GLIPR2: variants seen among roughly 807,000 people sequenced by gnomAD.
GLIPR2 encodes the protein Golgi-associated plant pathogenesis-related protein 1.
In GLIPR2, 21 loss-of-function variants were observed where a neutral mutation model predicts 20.4. That is an observed-to-expected ratio of 1.03 (90% CI 0.73 to 1.48). The LOEUF (loss-of-function observed/expected upper bound fraction) is 1.48. Among genes scored for constraint, GLIPR2 ranks in the 40% most tolerant of loss-of-function variants. The pLI, the probability that GLIPR2 is intolerant of heterozygous loss-of-function variation, is 0.00. For missense variants in GLIPR2, 205 were observed against 200.1 expected, an observed-to-expected ratio of 1.02 and a Z score of -0.15; for synonymous variants, 91 against 80.5, an observed-to-expected ratio of 1.13 and a Z score of -0.70.
At chr9:36,136,633 A>T, upstream of GLIPR2, 1 of 542,944 alleles carries the variant, frequency 1.8e-6, no homozygotes, top group Admixed American at 4.6e-5. The surrounding 1 kb of genome is among the most constrained non-coding windows in gnomAD (Gnocchi z 4.3). Context: ...CTCCGCCCTC[A>T]GCTGTCGCTC....
chr9:36,140,866 T>A (rs920786492), intron 1 of GLIPR2, among the ~76,000 whole-genome samples: 2 of 152,116 alleles, frequency 1.3e-5, no homozygotes, highest in Non-Finnish European at 2.9e-5. Context: ...AAGAGAGGAA[T>A]CCTGTCCCGC....
chr9:36,161,503 GAAA>G (rs61215109), intron 4 of GLIPR2, among the ~76,000 whole-genome samples: 1 of 146,134 alleles, frequency 6.8e-6, no homozygotes, highest in Admixed American at 6.8e-5. Context: ...GAGCTTAGAG[GAAA>G]AAAAAAAAAG....
intron 1 of GLIPR2, 57 bp from the exon 2 acceptor site, chr9:36,147,729 A>T: frequency 1.2e-6 from 1 of 832,958 alleles, no homozygotes; most frequent in Non-Finnish European, 2.1e-6. Context: ...ATGCCATTAT[A>T]CTTTTGATGA....
intron 3 of GLIPR2, 65 bp from the exon 4 acceptor site, chr9:36,150,807 A>G (rs973780351): frequency 3.3e-6 from 4 of 1,196,148 alleles, no homozygotes; most frequent in Non-Finnish European, 4.9e-6. Context: ...ATGGGAGAAA[A>G]TGCAGGGAAT....
At chr9:36,153,998 A>G (rs1382671516) in intron 4 of GLIPR2, among the ~76,000 whole-genome samples, 1 of 151,428 alleles carries the variant, frequency 6.6e-6, no homozygotes, top group Non-Finnish European at 1.5e-5. Flanking sequence ...CTTGTGATGA[A>G]GGATGCTGGT....
chr9:36,141,345 C>CTTT (rs113461412), intron 1 of GLIPR2, among the ~76,000 whole-genome samples: 1 of 145,990 alleles, frequency 6.8e-6, no homozygotes, highest in African/African-American at 2.5e-5. Context: ...GAAATTCATT[C>CTTT]TTTTTTTTTT....
chr9:36,162,289 A>G, intron 4 of GLIPR2, 73 bp from the exon 5 acceptor site: 2 of 1,600,786 alleles, frequency 1.2e-6, no homozygotes, highest in Non-Finnish European at 1.7e-6. Context: ...GGGTTCAACA[A>G]TCCCCTGCCA....
rs541779454 is a variant in GLIPR2 at position 36,151,926 on chromosome 9, C to T, written c.304+977C>T. Among the ~76,000 whole-genome samples the T allele has an allele frequency of 5.3e-5, 8 of 152,322 alleles. No individual in the cohort carries two copies. In the South Asian group the frequency reaches 6.2e-4, roughly 12 times the overall value. On this transcript the variant is annotated intron_variant, in intron 4 of 4. Coordinates refer to ENST00000377960, the MANE Select transcript of GLIPR2 (RefSeq NM_022343.4). ...AGAAAAAGGGACTCTCTGCCCACCT[C>T]GTTCCTCCTACCCCACCTGTTCCAC...
Position 36,150,932 on chromosome 9 carries a change from G to A in GLIPR2, c.287G>A (p.Gly96Asp). 6.2e-7 allele frequency: 1 copy of A among 1,613,592 alleles called. No individual in the cohort carries two copies. The highest frequency in any genetic ancestry group is 8.5e-7 in the Non-Finnish European group (1 of 1,179,558). Residue 96 changes from glycine to aspartate, a missense_variant, in exon 4 of 5, where the codon GGC becomes GAC. Coordinates refer to ENST00000377960, the MANE Select transcript of GLIPR2 (RefSeq NM_022343.4). ...EIKNYNFQQP[G>D]FTSGTGHFTA... is the part of the protein sequence containing the mutation. ...AAGAACTATAACTTCCAGCAGCCTG[G>A]CTTCACCTCGGGGACTGGTGAGTGG...
chr9:36,137,493 C>A (rs2132700867), intron 1 of GLIPR2, among the ~76,000 whole-genome samples: 2 of 152,322 alleles, frequency 1.3e-5, no homozygotes, highest in South Asian at 4.1e-4. Context: ...CCCTAGGTTT[C>A]CTTGCCGGGC....
intron 1 of GLIPR2, among the ~76,000 whole-genome samples, chr9:36,138,504 C>T (rs776888354): frequency 2.8e-4 from 42 of 152,092 alleles, no homozygotes; most frequent in Non-Finnish European, 4.3e-4. Context: ...ATTACAGGTG[C>T]GCCCAGCCTA....
At chr9:36,145,002 G>A (rs954684210) in intron 1 of GLIPR2, 4 of 152,328 alleles carry the variant, frequency 2.6e-5, no homozygotes, top group African/African-American at 4.8e-5. Context: ...CCTCAGTCTC[G>A]GGTGAAAGGC....
intron 1 of GLIPR2, among the ~76,000 whole-genome samples, chr9:36,140,272 A>G (rs1014612954): frequency 6.6e-6 from 1 of 152,196 alleles, no homozygotes; most frequent in Non-Finnish European, 1.5e-5. Context: ...AGAGGAAATC[A>G]GAGCAGAGAG....
chr9:36,162,139 CACTCCAGCCTGGGTTACAGAGCGAG>C, intron 4 of GLIPR2, 198 bp from the exon 5 acceptor site: 1 of 1,070,542 alleles, frequency 9.3e-7, no homozygotes, highest in Non-Finnish European at 1.3e-6. Context: ...CATGCCACTG[CACTCCAGCCTGGGTTACAGAGCGAG>C]ACTCCATCTT....
At chr9:36,162,181 A>AT in intron 4 of GLIPR2, 181 bp from the exon 5 acceptor site, 2 of 1,469,032 alleles carry the variant, frequency 1.4e-6, no homozygotes, top group Middle Eastern at 2.4e-4. Flanking sequence ...TCTTGGGGGA[A>AT]AAAAAAAGAA....
Position 36,162,794 on chromosome 9 carries a change from T to A in GLIPR2, c.*272T>A. 2.0e-6 allele frequency: 1 copy of A among 510,482 alleles called. No homozygotes were observed. Among genetic ancestry groups the A allele is most frequent in the East Asian group, 4.1e-5 (1 of 24,110 alleles). 31.6% of individuals were successfully genotyped at this position (510,482 alleles called of 1,614,324 possible). ...GGGGGGATCCGTTTTTTTTTTTTAA[T>A]TTTTTGTTATTTCTAAGCAAACCTC... On this transcript the variant is annotated 3_prime_UTR_variant, in exon 5 of 5. Transcript: ENST00000377960.
chr9:36,144,170 G>C (rs934093971), intron 1 of GLIPR2: 1 of 152,052 alleles, frequency 6.6e-6, no homozygotes, highest in Non-Finnish European at 1.5e-5. Context: ...CCCCCATCTG[G>C]GTCCCATGAG....
intron 1 of GLIPR2, among the ~76,000 whole-genome samples, chr9:36,138,558 C>T (rs1205190272): frequency 1.3e-5 from 2 of 152,142 alleles, no homozygotes; most frequent in East Asian, 1.9e-4. Context: ...ATGTAAGGCA[C>T]GGTTTTCCAG....
At chr9:36,149,240 G>A (rs1195858095) in intron 3 of GLIPR2, among the ~76,000 whole-genome samples, 3 of 152,228 alleles carry the variant, frequency 2.0e-5, no homozygotes, top group African/African-American at 7.2e-5. Flanking sequence ...GGCCCTGACA[G>A]CCCTGATGTG....
Sources: allele counts gnomAD v4.1 joint callset (sites outside exome capture counted in the v4.1 genomes callset), GRCh38; gene constraint gnomAD v4.1.1; non-coding constraint Gnocchi (gnomAD v3.1); transcripts MANE v1.5; gene names NCBI Gene and HGNC (gene_info 2026-07-23, HGNC 2026-07-21).